FRMPD3: variants seen among roughly 807,000 people sequenced by gnomAD.
FRMPD3 encodes the protein FERM and PDZ domain-containing protein 3.
In FRMPD3, 42 loss-of-function variants were observed where a neutral mutation model predicts 97.9. The observed-to-expected ratio is 0.43, with a 90% CI of 0.34 to 0.55. The LOEUF (loss-of-function observed/expected upper bound fraction) is 0.55. Ranked by LOEUF, FRMPD3 falls within the 20% of genes least tolerant of loss-of-function variation. The pLI is 0.03. For missense variants in FRMPD3, 1,303 were observed against 1,457.7 expected (o/e 0.89, Z 1.73); for synonymous variants, 577 against 581.1 (o/e 0.99, Z 0.10).
intron 8 of FRMPD3, among the ~76,000 whole-genome samples, chrX:107,557,590 T>C (rs1263792700): frequency 9.4e-6 from 1 of 106,646 alleles, no homozygotes; most frequent in Non-Finnish European, 1.9e-5. Flanking sequence ...TTTTATCATT[T>C]ACAGTTTTAT....
At chrX:107,551,298 T>C (rs1234082180) in intron 6 of FRMPD3, among the ~76,000 whole-genome samples, 2 of 110,767 alleles carry the variant, frequency 1.8e-5, no homozygotes, top group African/African-American at 6.6e-5. Flanking sequence ...AGAATGTTCT[T>C]TTGGCTATTG....
chrX:107,521,858 T>C (rs1026593310), intron 1 of FRMPD3, among the ~76,000 whole-genome samples: 12 of 112,837 alleles, frequency 1.1e-4, no homozygotes, highest in African/African-American at 3.5e-4. Context: ...AGTGGATGCC[T>C]GGAAATTTAG....
chrX:107,577,777 C>T (rs1461347659), intron 13 of FRMPD3, among the ~76,000 whole-genome samples: 2 of 111,679 alleles, frequency 1.8e-5, no homozygotes, highest in Admixed American at 1.9e-4. Flanking sequence ...CACACATCTT[C>T]TCACCTCTTG....
intron 1 of FRMPD3, among the ~76,000 whole-genome samples, chrX:107,465,341 C>T (rs1931539312): frequency 9.1e-6 from 1 of 110,483 alleles, no homozygotes. Context: ...AATAGTAGTG[C>T]GTACCTGTAA....
Position 107,597,855 on chromosome X carries a change from CA to C in FRMPD3, c.1978del (p.Thr660LeufsTer48). The part of the protein sequence containing the change: ...SEEEEEEEDE[T>X]TSLLPAIAAP... ...GAGGAGGAGGAGGAGGAAGATGAGACAACTTCTCTGTTGCCAGCCATTGCTG... is the reference window on the plus strand; with the variant it reads ...GAGGAGGAGGAGGAGGAAGATGAGACACTTCTCTGTTGCCAGCCATTGCTG... On this transcript the variant is annotated frameshift_variant, in exon 14 of 15. Transcript: ENST00000683843. LOFTEE classifies it high-confidence loss of function. The C allele has an allele frequency of 8.3e-7, 1 of 1,198,904 alleles. No individual in the cohort carries two copies. The highest frequency in any genetic ancestry group is 1.1e-6 in the Non-Finnish European group (1 of 889,713).
intron 3 of FRMPD3, 93 bp downstream of exon 3, chrX:107,530,604 A>C (rs915599636): frequency 6.0e-5 from 38 of 631,426 alleles, no homozygotes; most frequent in Non-Finnish European, 8.3e-5. Context: ...TCGCTCTGAG[A>C]GCAGAATCCT....
Position 107,603,595 on chromosome X carries a change from G to A in FRMPD3, c.*222G>A. The A allele has an allele frequency of 6.4e-6, 4 of 623,008 alleles. No homozygotes were observed. Among genetic ancestry groups the A allele is most frequent in the Non-Finnish European group, 9.1e-6 (4 of 437,858 alleles). 51.3% of individuals were successfully genotyped at this position (623,008 alleles called of 1,213,427 possible). On this transcript the variant is annotated 3_prime_UTR_variant, in exon 15 of 15. Transcript: ENST00000683843. ...GTCCTCACCCCTTCCCTGGCCTCTG[G>A]GCCTCACTGTGAGGGCAAAGGCCCC... is the stretch of plus-strand genomic sequence containing the variant.
intron 1 of FRMPD3, among the ~76,000 whole-genome samples, chrX:107,451,843 T>C (rs1931296433): frequency 9.0e-6 from 1 of 111,316 alleles, no homozygotes; most frequent in South Asian, 3.8e-4. Context: ...CTGTTTTAAG[T>C]AGAGATGCGG....
chrX:107,528,066 G>A (rs974385318), intron 2 of FRMPD3, among the ~76,000 whole-genome samples: 13 of 111,170 alleles, frequency 1.2e-4, no homozygotes, highest in Non-Finnish European at 2.5e-4. Flanking sequence ...GAGGGGTTCA[G>A]CTGCCAAAGG....
intron 1 of FRMPD3, among the ~76,000 whole-genome samples, chrX:107,508,866 T>G (rs748081433): frequency 8.9e-6 from 1 of 112,136 alleles, no homozygotes; most frequent in Admixed American, 9.4e-5. Flanking sequence ...ATAATTTTTA[T>G]TAATTAGACA....
At chrX:107,473,313 T>G (rs995684868) in intron 1 of FRMPD3, among the ~76,000 whole-genome samples, 6 of 112,180 alleles carry the variant, frequency 5.3e-5, no homozygotes, top group African/African-American at 1.9e-4. Flanking sequence ...AAAGTTACAG[T>G]GGATTCCAGG....
rs1164482582 is a variant in FRMPD3 at position 107,600,597 on chromosome X, C to T, written c.2558C>T (p.Pro853Leu). 1 of 1,210,352 alleles carries T rather than the reference C, an allele frequency of 8.3e-7. No individual in the cohort carries two copies. The highest frequency in any genetic ancestry group is 1.7e-5 in the African/African-American group (1 of 57,889). The change falls in exon 15 of 15, where the codon CCC becomes CTC. Residue 853 changes from proline to leucine, a missense_variant. Physicochemically the swap from Pro to Leu is moderately conservative, Grantham distance 98 (BLOSUM62 -3). Around this residue, in one of 3 missense-constraint regions of FRMPD3, gnomAD observed 764 missense variants for 820.2 expected, o/e 0.93. Coordinates refer to ENST00000683843, the MANE Select transcript of FRMPD3 (RefSeq NM_001388459.1). ...ATTGCCACAGGCCAGAGTCCTGGCC[C>T]CCCTGGCGCTCGGAGGAAGCTGCCC... is the stretch of plus-strand genomic sequence containing the variant. The part of the protein sequence containing the change: ...QPIATGQSPG[P>L]PGARRKLPQS...
intron 12 of FRMPD3, among the ~76,000 whole-genome samples, chrX:107,573,752 A>G (rs1197541514): frequency 8.9e-6 from 1 of 112,567 alleles, no homozygotes; most frequent in Admixed American, 9.4e-5. Context: ...TTGTAATTGA[A>G]TGTACAACAA....
intron 8 of FRMPD3, 51 bp downstream of exon 8, chrX:107,554,555 G>T (rs1285388740): frequency 8.5e-7 from 1 of 1,174,777 alleles, no homozygotes; most frequent in Non-Finnish European, 1.1e-6. Flanking sequence ...AAAGAAGCAG[G>T]CAGGCTGTTC....
intron 4 of FRMPD3, among the ~76,000 whole-genome samples, chrX:107,543,090 C>T (rs1921394278): frequency 8.9e-6 from 1 of 112,176 alleles, no homozygotes; most frequent in Admixed American, 9.4e-5. Context: ...CATATTATTG[C>T]AGTTACAAAT....
chrX:107,575,587 A>G (rs1347974447), intron 12 of FRMPD3, among the ~76,000 whole-genome samples: 1 of 110,678 alleles, frequency 9.0e-6, no homozygotes, highest in Admixed American at 9.6e-5. Context: ...AGTAGCTGGG[A>G]TTACTGGCGC....
chrX:107,570,074 AAAGG>A (rs1265462031), intron 12 of FRMPD3, among the ~76,000 whole-genome samples: 1 of 102,649 alleles, frequency 9.7e-6, no homozygotes, highest in Non-Finnish European at 2.0e-5. Flanking sequence ...AAAAGAAAAG[AAAGG>A]AAGGAAAGAG....
intron 1 of FRMPD3, among the ~76,000 whole-genome samples, chrX:107,494,180 C>T (rs1046006134): frequency 1.8e-5 from 2 of 112,164 alleles, no homozygotes; most frequent in African/African-American, 6.5e-5. Context: ...AACAGTGATT[C>T]TTACCTCTCC....
At chrX:107,474,746 C>T (rs1921155149) in intron 1 of FRMPD3, among the ~76,000 whole-genome samples, 1 of 111,712 alleles carries the variant, frequency 9.0e-6, no homozygotes, top group Non-Finnish European at 1.9e-5. Flanking sequence ...CTTGCCACTA[C>T]TGCCACTAAT....
Sources: gnomAD v4.1 joint callset for allele counts (sites outside exome capture counted in the v4.1 genomes callset) on GRCh38, gnomAD v4.1.1 for gene constraint, gnomAD v4.1.1 regional missense constraint, MANE v1.5 for transcripts, NCBI Gene and HGNC (gene_info 2026-07-23, HGNC 2026-07-21) for gene names.